TLR2: variants seen among roughly 807,000 people sequenced by gnomAD.
TLR2 encodes toll like receptor 2, also known as toll-like receptor 2.
A neutral mutation model predicts 9.1 loss-of-function variants in TLR2; 7 were observed. The observed-to-expected ratio is 0.77, with a 90% CI of 0.44 to 1.44. The LOEUF (loss-of-function observed/expected upper bound fraction) is 1.44. Ranked by LOEUF, TLR2 falls within the 40% of genes most tolerant of loss-of-function variation. The pLI is 0.01. For synonymous variants in TLR2, 317 were observed against 344.6 expected (o/e 0.92, Z 0.89); for missense variants, 812 against 904.6 (o/e 0.90, Z 1.31).
chr4:153,695,298 T>A (rs181754918), intron 2 of TLR2, among the ~76,000 whole-genome samples: 1 of 152,304 alleles, frequency 6.6e-6, no homozygotes, highest in East Asian at 1.9e-4. Context: ...CCAACAACAG[T>A]GTACAGGGTT....
intron 2 of TLR2, among the ~76,000 whole-genome samples, chr4:153,692,267 C>G (rs1188092922): frequency 6.6e-6 from 1 of 152,138 alleles, no homozygotes; most frequent in East Asian, 1.9e-4. Context: ...TGCAATGTCC[C>G]CATAGGTTGT....
intron 2 of TLR2, among the ~76,000 whole-genome samples, chr4:153,695,454 T>C (rs994965502): frequency 6.6e-6 from 1 of 152,232 alleles, no homozygotes; most frequent in Non-Finnish European, 1.5e-5. Context: ...TATATATCTG[T>C]TTGCCATTCA....
chr4:153,700,392 C>T (rs937392925), intron 2 of TLR2, among the ~76,000 whole-genome samples: 4 of 151,980 alleles, frequency 2.6e-5, no homozygotes, highest in Non-Finnish European at 5.9e-5. Flanking sequence ...GAACTTTAAG[C>T]AAAAACCATA....
At chr4:153,698,474 C>G (rs1189683362) in intron 2 of TLR2, among the ~76,000 whole-genome samples, 2 of 152,098 alleles carry the variant, frequency 1.3e-5, no homozygotes, top group African/African-American at 2.4e-5. Flanking sequence ...TTAAATGTGG[C>G]CTCATGGATC....
Position 153,704,533 on chromosome 4 carries a change from C to T in TLR2, c.1626C>T (p.Leu542=). 1.2e-6 allele frequency: 2 copies of T among 1,613,914 alleles called. No individual in the cohort carries two copies. Among genetic ancestry groups the T allele is most frequent in the Non-Finnish European group, 1.7e-6 (2 of 1,179,920 alleles). Residue 542 remains leucine (L), a synonymous_variant, in exon 3 of 3, where the codon CTC becomes CTT. Coordinates refer to ENST00000642700, the MANE Select transcript of TLR2 (RefSeq NM_001318789.2). The stretch of plus-strand genomic sequence containing the variant: ...ACTTCATTTGCTCCTGTGAATTCCT[C>T]TCCTTCACTCAGGAGCAGCAAGCAC... ...GNNFICSCEF[L]SFTQEQQALA... is the part of the protein sequence containing the mutation.
rs904598164 is a variant in TLR2, at chr4:153,705,800, T to G, written c.*538T>G. 1 of 167,144 alleles carries G rather than the reference T, an allele frequency of 6.0e-6. No homozygotes were observed. Among genetic ancestry groups the G allele is most frequent in the Admixed American group, 6.5e-5 (1 of 15,288 alleles). 10.4% of individuals were successfully genotyped at this position (167,144 alleles called of 1,614,324 possible). A position where few individuals can be genotyped will look rare whatever the true frequency, so the allele number is the denominator to read the frequency against. Reference sequence around the variant, plus strand: ...ATCCACAGTTGGTTGACTTCATGGATGCAGAACCCATGGATATAGAGGGCC... The same window carrying G: ...ATCCACAGTTGGTTGACTTCATGGAGGCAGAACCCATGGATATAGAGGGCC... On this transcript the variant is annotated 3_prime_UTR_variant, in exon 3 of 3. Transcript: ENST00000642700.
rs139078841 is a variant in TLR2, at chr4:153,704,379, C to T, written c.1472C>T (p.Thr491Ile). The part of the protein sequence containing the change: ...ELYISRNKLM[T>I]LPDASLLPML... Reference sequence around the variant, plus strand: ...TATATTTCCAGAAATAAGTTGATGACTCTACCAGATGCCTCCCTCTTACCC... The same window carrying T: ...TATATTTCCAGAAATAAGTTGATGATTCTACCAGATGCCTCCCTCTTACCC... The change falls in exon 3 of 3, where the codon ACT (threonine) becomes ATT (isoleucine). Residue 491 changes from threonine to isoleucine, a missense_variant. Thr to Ile is a moderately conservative substitution (Grantham distance 89). Transcript: ENST00000642700. 196 of 1,614,086 alleles carry T rather than the reference C, an allele frequency of 1.2e-4. No homozygotes were observed. The African/African-American group carries it at 1.4e-3, about 11-fold the overall frequency.
chr4:153,687,483 G>A (rs562980104), intron 1 of TLR2, among the ~76,000 whole-genome samples: 2 of 152,222 alleles, frequency 1.3e-5, no homozygotes, highest in African/African-American at 4.8e-5. Context: ...TTTGTTAAAT[G>A]ACATAAGCAG....
chr4:153,694,650 A>G (rs1006006003), intron 2 of TLR2, among the ~76,000 whole-genome samples: 1 of 152,254 alleles, frequency 6.6e-6, no homozygotes, highest in African/African-American at 2.4e-5. Context: ...GGTATCCATT[A>G]CCTCAAGCAT....
intron 2 of TLR2, among the ~76,000 whole-genome samples, chr4:153,693,366 C>T (rs914791229): frequency 1.3e-5 from 2 of 152,094 alleles, no homozygotes; most frequent in Admixed American, 1.3e-4. Flanking sequence ...AAGGAAAAGG[C>T]TCAAATGTAG....
chr4:153,702,764 G>C lies in TLR2; in HGVS notation c.-16-128G>C, dbSNP rs936583510. The C allele has an allele frequency of 4.6e-5, 2 of 43,050 alleles. No individual in the cohort carries two copies. The highest frequency in any genetic ancestry group is 3.7e-4 in the African/African-American group (1 of 2,688). 2.7% of individuals were successfully genotyped at this position (43,050 alleles called of 1,614,324 possible). On this transcript the variant is annotated intron_variant, in intron 2 of 2. Transcript: ENST00000642700. ...TCTGTTTCTCTCTCTCTCTCTCTTTGTGTGTGTGTGTGTGTGTGTGTGTGT... is the reference window on the plus strand; with the variant it reads ...TCTGTTTCTCTCTCTCTCTCTCTTTCTGTGTGTGTGTGTGTGTGTGTGTGT...
At chr4:153,710,618 A>G (rs1737504798), downstream of TLR2, 4 of 857,128 alleles carry the variant, frequency 4.7e-6, no homozygotes, top group Non-Finnish European at 7.2e-6. Flanking sequence ...TATGTGCTCA[A>G]TTAAAAGCCC....
intron 2 of TLR2, among the ~76,000 whole-genome samples, chr4:153,699,470 G>C (rs552536040): frequency 6.6e-6 from 1 of 152,278 alleles, no homozygotes; most frequent in African/African-American, 2.4e-5. Context: ...TGTAAATGAG[G>C]TTATGATTAG....
At position 153,684,316 on chromosome 4, in the gene TLR2, CGGCTGCTCGGCGTTCTCTCAGGT is replaced by C. The variant is rs1346695274; in HGVS notation, c.-205_-183del. The C allele has an allele frequency of 9.6e-6, 1 of 104,632 alleles. No individual in the cohort carries two copies. Among genetic ancestry groups the C allele is most frequent in the Non-Finnish European group, 2.1e-5 (1 of 48,344 alleles). 6.5% of individuals were successfully genotyped at this position (104,632 alleles called of 1,614,324 possible). On this transcript the variant is annotated 5_prime_UTR_variant, in exon 1 of 3. Coordinates refer to ENST00000642700, the MANE Select transcript of TLR2 (RefSeq NM_001318789.2). ...GAGGCAGCGAGAAAGCGCAGCCAGG[CGGCTGCTCGGCGTTCTCTCAGGT>C]GACTGCTCGGAGTTCTCCCAGGTAC...
At chr4:153,696,907 C>A (rs1736545148) in intron 2 of TLR2, among the ~76,000 whole-genome samples, 1 of 151,390 alleles carries the variant, frequency 6.6e-6, no homozygotes. Context: ...ACTAGAATTA[C>A]CAGAAATAAT....
intron 2 of TLR2, among the ~76,000 whole-genome samples, chr4:153,694,765 T>C (rs1376800107): frequency 6.6e-6 from 1 of 152,228 alleles, no homozygotes; most frequent in Non-Finnish European, 1.5e-5. Flanking sequence ...GAATAAATCT[T>C]ATTCATTTTA....
chr4:153,705,416 G>T lies in TLR2; in HGVS notation c.*154G>T. On this transcript the variant is annotated 3_prime_UTR_variant, in exon 3 of 3. Coordinates refer to ENST00000642700, the MANE Select transcript of TLR2 (RefSeq NM_001318789.2). Reference sequence around the variant, plus strand: ...AACTACAAAACTTCAAATTTTGTCTGGGGTGCTGTTTTATAAACATATGCC... The same window carrying T: ...AACTACAAAACTTCAAATTTTGTCTTGGGTGCTGTTTTATAAACATATGCC... 3.5e-6 allele frequency: 3 copies of T among 858,294 alleles called. No individual in the cohort carries two copies. Among genetic ancestry groups the T allele is most frequent in the Non-Finnish European group, 5.1e-6 (3 of 593,642 alleles). The allele number at this position is 858,294 out of a possible 1,614,324, so 53.2% of individuals were successfully genotyped here. A position where few individuals can be genotyped will look rare whatever the true frequency, so the allele number is the denominator to read the frequency against.
Position 153,703,776 on chromosome 4 carries a change from ATGGAG to A in TLR2, c.871_875del (p.Gly291TrpfsTer2). ...TTAGAGTTTGATGACTGTACCCTTA[ATGGAG>A]TTGGTAATTTTAGAGCATCTGATAA... On this transcript the variant is annotated frameshift_variant, in exon 3 of 3. Transcript: ENST00000642700. LOFTEE classifies it low-confidence loss of function (END_TRUNC). 1 of 1,613,948 alleles carries A rather than the reference ATGGAG, an allele frequency of 6.2e-7. No individual in the cohort carries two copies. The highest frequency in any genetic ancestry group is 8.5e-7 in the Non-Finnish European group (1 of 1,179,978).
chr4:153,686,976 A>G (rs1157590780), intron 1 of TLR2, among the ~76,000 whole-genome samples: 1 of 152,176 alleles, frequency 6.6e-6, no homozygotes, highest in Non-Finnish European at 1.5e-5. Flanking sequence ...AATTTAAATC[A>G]TACAGAATAT....
Sources: allele counts gnomAD v4.1 joint callset (sites outside exome capture counted in the v4.1 genomes callset), GRCh38; gene constraint gnomAD v4.1.1; transcripts MANE v1.5; gene names NCBI Gene and HGNC (gene_info 2026-07-23, HGNC 2026-07-21).